Variants in PTPRK observed in about 807,000 individuals in gnomAD.
PTPRK encodes receptor-type tyrosine-protein phosphatase kappa.
PTPRK carries 75 observed loss-of-function variants against 178.0 expected under a neutral mutation model. That is an observed-to-expected ratio of 0.42 (90% CI 0.35 to 0.51). PTPRK has a LOEUF of 0.51. PTPRK is among the 20% of genes least tolerant of loss of function. The pLI is 0.02. For synonymous variants in PTPRK, 637 were observed against 620.6 expected, an observed-to-expected ratio of 1.03 and a Z score of -0.39; for missense variants, 1,441 against 1,797.8, an observed-to-expected ratio of 0.80 and a Z score of 3.59.
intron 6 of PTPRK, among the ~76,000 whole-genome samples, chr6:128,218,511 T>C (rs1371947206): frequency 6.6e-6 from 1 of 152,228 alleles, no homozygotes; most frequent in African/African-American, 2.4e-5. Context: ...CAGTAAAATT[T>C]GTAGGACTAT....
At chr6:128,357,785 T>G (rs1203705287) in intron 2 of PTPRK, among the ~76,000 whole-genome samples, 5 of 152,258 alleles carry the variant, frequency 3.3e-5, no homozygotes, top group African/African-American at 1.2e-4. Flanking sequence ...TTGCTGATTA[T>G]GCTGATATTG....
At chr6:128,320,397 A>G (rs952690698) in intron 3 of PTPRK, among the ~76,000 whole-genome samples, 11 of 152,302 alleles carry the variant, frequency 7.2e-5, no homozygotes, top group South Asian at 2.1e-4. Context: ...TATCACAGAT[A>G]TACTACTTGC....
At chr6:128,356,696 T>A (rs1834009538) in intron 2 of PTPRK, among the ~76,000 whole-genome samples, 1 of 152,202 alleles carries the variant, frequency 6.6e-6, no homozygotes, top group African/African-American at 2.4e-5. Context: ...GTTTCATGGA[T>A]AATTTTTCAC....
At chr6:128,344,928 T>A (rs1197083895) in intron 2 of PTPRK, among the ~76,000 whole-genome samples, 2 of 151,938 alleles carry the variant, frequency 1.3e-5, no homozygotes, top group Non-Finnish European at 2.9e-5. Flanking sequence ...GAGAAAACAA[T>A]TTGATTATAT....
At chr6:128,062,373 T>G (rs573643822) in intron 13 of PTPRK, 1 of 161,934 alleles carries the variant, frequency 6.2e-6, no homozygotes. Context: ...GCCTGGCTCA[T>G]TTTTTTTAGT....
At chr6:127,991,513 C>A in intron 19 of PTPRK, 122 bp from the exon 20 acceptor site, 1 of 559,652 alleles carries the variant, frequency 1.8e-6, no homozygotes, top group South Asian at 5.8e-5. Context: ...CACAAAATGT[C>A]ACTGAAAATA....
chr6:128,318,048 G>GA (rs201628952), intron 3 of PTPRK, among the ~76,000 whole-genome samples: 348 of 151,678 alleles, frequency 2.3e-3, no homozygotes, highest in Non-Finnish European at 4.0e-3. Flanking sequence ...TATATCTAGA[G>GA]AAAAAAAAAT....
At chr6:128,191,661 C>T (rs1803811215) in intron 6 of PTPRK, among the ~76,000 whole-genome samples, 1 of 151,386 alleles carries the variant, frequency 6.6e-6, no homozygotes, top group Admixed American at 6.6e-5. Context: ...ACCAAAAGAC[C>T]ACATTGTACA....
intron 5 of PTPRK, among the ~76,000 whole-genome samples, chr6:128,227,798 T>G (rs1811608008): frequency 6.6e-6 from 1 of 152,070 alleles, no homozygotes; most frequent in Non-Finnish European, 1.5e-5. Context: ...TGAAACAATA[T>G]AAACTTAAAC....
In PTPRK at chr6:128,166,742, T is replaced by C. The variant is rs143539270; in HGVS notation, c.1162+17690A>G. ...AAGTTCATTTATTTTACCTTTAGTA[T>C]CACTATTTTTCCCAAAATTACTTAT... On this transcript the variant is annotated intron_variant, in intron 7 of 29. Transcript: ENST00000368226. Among the ~76,000 whole-genome samples the C allele has an allele frequency of 3.3e-3, 506 of 151,880 alleles. 5 individuals are homozygous for C. The highest frequency in any genetic ancestry group is 0.011 in the African/African-American group (464 of 41,532).
At chr6:128,299,445 G>A (rs1425252776) in intron 3 of PTPRK, among the ~76,000 whole-genome samples, 1 of 152,050 alleles carries the variant, frequency 6.6e-6, no homozygotes, top group Non-Finnish European at 1.5e-5. Flanking sequence ...CAAAGCTGGA[G>A]GCATCATGCT....
chr6:128,154,630 G>A (rs1473595867), intron 7 of PTPRK, among the ~76,000 whole-genome samples: 2 of 151,536 alleles, frequency 1.3e-5, no homozygotes, highest in African/African-American at 2.4e-5. Context: ...AAACCAATGG[G>A]AGATTTTTTT....
At position 128,078,835 on chromosome 6, in the gene PTPRK, G is replaced by C. The variant is rs772989952; in HGVS notation, c.1861C>G (p.Gln621Glu). The change falls in exon 11 of 30, where the codon CAA (glutamine) becomes GAA (glutamate). Residue 621 changes from glutamine to glutamate, a missense_variant. This residue lies in a region of PTPRK where 945 missense variants were observed against 1,080.6 expected (regional missense o/e 0.87). Coordinates refer to ENST00000368226, the MANE Select transcript of PTPRK (RefSeq NM_002844.4). ...TTITVLLRPA[Q>E]AKGAPISAYQ... Reference sequence around the variant, plus strand: ...TACCTGATAGGAGCACCTTTGGCTTGTGCTGGTCTCAACAATACAGTTATT... The same window carrying C: ...TACCTGATAGGAGCACCTTTGGCTTCTGCTGGTCTCAACAATACAGTTATT... The C allele has an allele frequency of 4.1e-5, 66 of 1,611,022 alleles. No individual in the cohort carries two copies. Among genetic ancestry groups the C allele is most frequent in the Non-Finnish European group, 5.2e-5 (61 of 1,177,762 alleles).
chr6:128,431,233 C>T (rs535909062), intron 1 of PTPRK, among the ~76,000 whole-genome samples: 7 of 152,146 alleles, frequency 4.6e-5, no homozygotes, highest in East Asian at 1.9e-4. Flanking sequence ...CCATCGTGCT[C>T]GGCCAAATAT....
chr6:128,151,041 G>C (rs1167131352), intron 7 of PTPRK, among the ~76,000 whole-genome samples: 1 of 151,498 alleles, frequency 6.6e-6, no homozygotes, highest in Admixed American at 6.6e-5. Context: ...AGGAATATAA[G>C]GTAAAAAAAA....
chr6:128,035,100 G>A (rs535317519), intron 13 of PTPRK, among the ~76,000 whole-genome samples: 2 of 152,248 alleles, frequency 1.3e-5, no homozygotes, highest in Admixed American at 6.5e-5. Flanking sequence ...GGCTGGGCAC[G>A]GTGGCTCAAG....
intron 1 of PTPRK, chr6:128,501,301 G>C (rs781361172): frequency 3.9e-5 from 6 of 151,972 alleles, no homozygotes; most frequent in Non-Finnish European, 7.4e-5. Context: ...TATACAAAGA[G>C]AAATCATATG....
chr6:128,363,362 TG>T (rs1835035680), intron 2 of PTPRK, among the ~76,000 whole-genome samples: 2 of 152,182 alleles, frequency 1.3e-5, no homozygotes, highest in African/African-American at 4.8e-5. Flanking sequence ...CATGAGTTTG[TG>T]GGTGACTACA....
At chr6:128,127,508 C>G (rs146797717) in intron 7 of PTPRK, among the ~76,000 whole-genome samples, 1 of 152,186 alleles carries the variant, frequency 6.6e-6, no homozygotes, top group Non-Finnish European at 1.5e-5. Flanking sequence ...CCTATATGCA[C>G]TGTATTAGCT....
Sources: allele counts gnomAD v4.1 joint callset (sites outside exome capture counted in the v4.1 genomes callset), GRCh38; gene constraint gnomAD v4.1.1; regional missense constraint gnomAD v4.1.1; transcripts MANE v1.5; gene names NCBI Gene and HGNC (gene_info 2026-07-23, HGNC 2026-07-21).